Variants in PCDHGA3 observed in about 807,000 individuals in gnomAD.
PCDHGA3 encodes protocadherin gamma subfamily A, 3, also known as protocadherin gamma-A3.
A neutral mutation model predicts 58.5 loss-of-function variants in PCDHGA3; 40 were observed. The ratio of observed to expected loss-of-function variants is 0.68; its 90% CI spans 0.53 to 0.89. The LOEUF is 0.89. Ranked by LOEUF, PCDHGA3 falls within the 40% of genes least tolerant of loss-of-function variation. The pLI is 0.00. For synonymous variants in PCDHGA3, 530 were observed against 525.7 expected (o/e 1.01, Z -0.11); for missense variants, 1,223 against 1,195.9 (o/e 1.02, Z -0.33).
At chr5:141,352,540 G>A (rs1249935769) in intron 1 of PCDHGA3, 16 of 1,613,862 alleles carry the variant, frequency 9.9e-6, no homozygotes, top group Non-Finnish European at 1.3e-5. Flanking sequence ...CAAAGACAGA[G>A]TTTAATTCTC....
chr5:141,413,600 T>C lies in PCDHGA3; in HGVS notation c.2424+67143T>C, dbSNP rs767830855. The C allele has an allele frequency of 3.7e-6, 6 of 1,613,868 alleles. No individual in the cohort carries two copies. The Admixed American group carries it at 8.3e-5, about 22-fold the overall frequency. Reference sequence around the variant, plus strand: ...GCTCCAAAATTCCAAGCAGAAAATCTAGACGTAAAAATTAATGAAAATGTC... The same window carrying C: ...GCTCCAAAATTCCAAGCAGAAAATCCAGACGTAAAAATTAATGAAAATGTC... On this transcript the variant is annotated intron_variant, in intron 1 of 3. Transcript: ENST00000253812.
chr5:141,375,065 C>A, intron 1 of PCDHGA3: 1 of 1,613,932 alleles, frequency 6.2e-7, no homozygotes, highest in Non-Finnish European at 8.5e-7. Flanking sequence ...GCCAGGTCTT[C>A]GAGACAGAGC....
At chr5:141,478,174 GA>G (rs1156842877) in intron 1 of PCDHGA3, 1 of 1,613,574 alleles carries the variant, frequency 6.2e-7, no homozygotes, top group East Asian at 2.2e-5. Context: ...CCCGGGAGCA[GA>G]AAAAAAATCT....
intron 1 of PCDHGA3, among the ~76,000 whole-genome samples, chr5:141,354,631 T>C (rs1025188967): frequency 2.6e-5 from 4 of 152,238 alleles, no homozygotes; most frequent in Admixed American, 2.6e-4. Context: ...TTCACTTATC[T>C]GTCTCATCCA....
intron 3 of PCDHGA3, 61 bp downstream of exon 3, chr5:141,505,542 A>G (rs2099846540): frequency 6.2e-7 from 1 of 1,604,832 alleles, no homozygotes; most frequent in African/African-American, 1.3e-5. Context: ...GGTGCATCTC[A>G]CAGCCACCAT....
At position 141,372,407 on chromosome 5, in the gene PCDHGA3, A is replaced by G. The variant is rs1190545508; in HGVS notation, c.2424+25950A>G. 3.7e-6 allele frequency: 6 copies of G among 1,613,948 alleles called. No individual in the cohort carries two copies. In the Admixed American group the frequency reaches 6.7e-5, roughly 18 times the overall value. On this transcript the variant is annotated intron_variant, in intron 1 of 3. Coordinates refer to ENST00000253812, the MANE Select transcript of PCDHGA3 (RefSeq NM_018916.4). ...TCTTCGCAGATAGCTTGCAAGAGATACAACCTGACCTTAGCGACCGCCCCA... is the reference window on the plus strand; with the variant it reads ...TCTTCGCAGATAGCTTGCAAGAGATGCAACCTGACCTTAGCGACCGCCCCA...
At chr5:141,462,781 G>C (rs893647456) in intron 1 of PCDHGA3, among the ~76,000 whole-genome samples, 1 of 152,102 alleles carries the variant, frequency 6.6e-6, no homozygotes, top group Non-Finnish European at 1.5e-5. Flanking sequence ...GTCATAATTT[G>C]TTGCTTATTT....
chr5:141,384,522 T>A, intron 1 of PCDHGA3: 2 of 1,614,192 alleles, frequency 1.2e-6, no homozygotes, highest in Non-Finnish European at 1.7e-6. Flanking sequence ...GGGACCCGCC[T>A]CTCAGCAGCA....
intron 1 of PCDHGA3, chr5:141,409,801 G>A: frequency 1.2e-6 from 2 of 1,611,946 alleles, no homozygotes; most frequent in South Asian, 2.2e-5. Context: ...TCACGCTGCA[G>A]GCCCGCGACC....
chr5:141,405,328 C>T (rs4912606), intron 1 of PCDHGA3: 66,412 of 1,613,986 alleles, frequency 0.041, 1,736 homozygotes, highest in Non-Finnish European at 0.046. Flanking sequence ...AGCCTTTGTG[C>T]GTCTCTGTTG....
chr5:141,399,419 G>A, intron 1 of PCDHGA3: 1 of 1,614,000 alleles, frequency 6.2e-7, no homozygotes, highest in East Asian at 2.2e-5. Flanking sequence ...CTCTCCTCCA[G>A]CATAAGCGTC....
In PCDHGA3 at chr5:141,477,531, C is replaced by T. The variant is rs1316982512; in HGVS notation, c.2425-17276C>T. 5 of 1,614,162 alleles carry T rather than the reference C, an allele frequency of 3.1e-6. No homozygotes were observed. Among genetic ancestry groups the T allele is most frequent in the Middle Eastern group, 1.6e-4 (1 of 6,062 alleles). On this transcript the variant is annotated intron_variant, in intron 1 of 3. Transcript: ENST00000253812. This position sits in a 1 kb window ranked among gnomAD's most constrained non-coding sequence, Gnocchi z 4.9. ...GTTTACATTGAAGAAAACAACCTCC[C>T]CGGGGCTCCAATACTAAACCTAAGT... is the stretch of plus-strand genomic sequence containing the variant.
intron 1 of PCDHGA3, among the ~76,000 whole-genome samples, chr5:141,436,531 G>A (rs1365651055): frequency 2.6e-5 from 4 of 152,152 alleles, no homozygotes; most frequent in South Asian, 2.1e-4. Flanking sequence ...CCTTTAGCAA[G>A]TTATTTAATC....
At chr5:141,423,219 T>C (rs775170753) in intron 1 of PCDHGA3, 3 of 1,613,752 alleles carry the variant, frequency 1.9e-6, no homozygotes, top group Admixed American at 1.7e-5. Flanking sequence ...TCACCGTGGC[T>C]GTGGCCGACA....
rs146734417 is a variant in PCDHGA3, at chr5:141,431,409, G to T, written c.2425-63398G>T. The T allele has an allele frequency of 1.9e-6, 3 of 1,613,722 alleles. No homozygotes were observed. Among genetic ancestry groups the T allele is most frequent in the Non-Finnish European group, 2.5e-6 (3 of 1,180,048 alleles). On this transcript the variant is annotated intron_variant, in intron 1 of 3. Transcript: ENST00000253812. This position sits in a 1 kb window ranked among gnomAD's most constrained non-coding sequence, Gnocchi z 4.8. Reference sequence around the variant, plus strand: ...CACCTGGTCCTTACGGCCTCCGACGGGGGCGACCCGGTGCGCACAGGCACC... The same window carrying T: ...CACCTGGTCCTTACGGCCTCCGACGTGGGCGACCCGGTGCGCACAGGCACC...
In PCDHGA3 at chr5:141,481,621, C is replaced by T. The variant is rs533294863; in HGVS notation, c.2425-13186C>T. Among the ~76,000 whole-genome samples the T allele has an allele frequency of 3.9e-5, 6 of 152,198 alleles. 1 individual carries two copies. Among genetic ancestry groups the T allele is most frequent in the East Asian group, 3.9e-4 (2 of 5,172 alleles). Reference sequence around the variant, plus strand: ...TCACCTGAGGCCAGGAGTTCAAGACCGGCCTGGCCAACATGGTGAAACTTC... The same window carrying T: ...TCACCTGAGGCCAGGAGTTCAAGACTGGCCTGGCCAACATGGTGAAACTTC... On this transcript the variant is annotated intron_variant, in intron 1 of 3. Transcript: ENST00000253812.
chr5:141,355,711 C>A, intron 1 of PCDHGA3: 3 of 1,613,998 alleles, frequency 1.9e-6, no homozygotes, highest in Non-Finnish European at 2.5e-6. Flanking sequence ...GCAGGGTTAC[C>A]AGCTCAACTC....
intron 1 of PCDHGA3, chr5:141,382,739 G>C (rs1005950630): frequency 5.2e-6 from 3 of 573,658 alleles, no homozygotes; most frequent in Non-Finnish European, 5.9e-6. Context: ...ACAGAGAAAC[G>C]ACAGATTGCG....
At chr5:141,399,309 C>G (rs2093783867) in intron 1 of PCDHGA3, 1 of 1,613,902 alleles carries the variant, frequency 6.2e-7, no homozygotes, top group Non-Finnish European at 8.5e-7. Context: ...TCTCTTCATC[C>G]AAAAATTCGT....
Sources: allele counts gnomAD v4.1 joint callset (sites outside exome capture counted in the v4.1 genomes callset), GRCh38; gene constraint gnomAD v4.1.1; non-coding constraint Gnocchi (gnomAD v3.1); transcripts MANE v1.5; gene names NCBI Gene and HGNC (gene_info 2026-07-23, HGNC 2026-07-21).